VAV1: variants seen among roughly 807,000 people sequenced by gnomAD.
VAV1 encodes the protein vav guanine nucleotide exchange factor 1.
Under a neutral mutation model 128.1 loss-of-function variants are expected in VAV1, and 33 were observed. The ratio of observed to expected loss-of-function variants is 0.26; its 90% confidence interval spans 0.20 to 0.34. The LOEUF (loss-of-function observed/expected upper bound fraction) is 0.34. Ranked by LOEUF, VAV1 falls within the 10% of genes least tolerant of loss-of-function variation. VAV1 has a pLI of 1.00. For synonymous variants in VAV1, 394 were observed against 409.8 expected (o/e 0.96, Z 0.47); for missense variants, 715 against 1,093.7 (o/e 0.65, Z 4.88).
intron 23 of VAV1, among the ~76,000 whole-genome samples, chr19:6,848,652 C>T (rs1426563582): frequency 6.6e-6 from 1 of 152,108 alleles, no homozygotes; most frequent in Non-Finnish European, 1.5e-5. Flanking sequence ...ATCCACCCGC[C>T]TCGGCCTCCC....
intron 19 of VAV1, chr19:6,836,169 C>T (rs764522005): frequency 2.6e-5 from 9 of 348,734 alleles, no homozygotes; most frequent in Non-Finnish European, 4.8e-5. Context: ...CCACCGTGCC[C>T]AGCCAGGACA....
chr19:6,836,982 T>C lies in VAV1; in HGVS notation c.1915-3T>C, dbSNP rs1266358496. On this transcript the variant is annotated splice_polypyrimidine_tract_variant and splice_region_variant and intron_variant, in intron 20 of 26. Coordinates refer to ENST00000602142, the MANE Select transcript of VAV1 (RefSeq NM_005428.4). ...TTCCTGTTTTTGTCTCCTGGGTGTT[T>C]AGGGCAGAAATACATCTACTAATGA... 1 of 1,613,990 alleles carries C rather than the reference T, an allele frequency of 6.2e-7. No homozygotes were observed. The highest frequency in any genetic ancestry group is 8.5e-7 in the Non-Finnish European group (1 of 1,180,016).
chr19:6,838,782 T>G (rs1972295138), intron 21 of VAV1, among the ~76,000 whole-genome samples: 1 of 152,128 alleles, frequency 6.6e-6, no homozygotes, highest in Non-Finnish European at 1.5e-5. Context: ...TAGGCTGGAG[T>G]GCAATGGTGT....
intron 1 of VAV1, among the ~76,000 whole-genome samples, chr19:6,780,067 G>GC (rs565693707): frequency 0.32 from 46,567 of 144,972 alleles, 9,974 homozygotes; most frequent in African/African-American, 0.55. Context: ...GCCGAGATCA[G>GC]GCCACTGCAC....
intron 1 of VAV1, among the ~76,000 whole-genome samples, chr19:6,776,430 ATCC>A: frequency 1.3e-5 from 1 of 76,794 alleles, no homozygotes; most frequent in South Asian, 4.0e-4. Flanking sequence ...CCATCCATCC[ATCC>A]ATCCATCCAT....
chr19:6,850,519 C>T (rs1015658113), intron 23 of VAV1, 151 bp from the exon 24 acceptor site: 2 of 647,240 alleles, frequency 3.1e-6, no homozygotes, highest in Admixed American at 2.9e-5. Context: ...AGCAAAGGCC[C>T]CAGGGAATGG....
At position 6,822,754 on chromosome 19, in the gene VAV1, A is replaced by C. The variant is rs1201446714; in HGVS notation, c.654+240A>C. On this transcript the variant is annotated intron_variant, in intron 6 of 26. Coordinates refer to ENST00000602142, the MANE Select transcript of VAV1 (RefSeq NM_005428.4). The surrounding 1 kb of genome is among the most constrained non-coding windows in gnomAD (Gnocchi z 5.9). ...AATATAGGACACTGCCTGCAGGAGC[A>C]GTCAAAAAACCAAAAACAAACAAAA... Among the ~76,000 whole-genome samples the C allele has an allele frequency of 2.0e-5, 3 of 148,214 alleles. No individual in the cohort carries two copies. Among genetic ancestry groups the C allele is most frequent in the Admixed American group, 6.8e-5 (1 of 14,814 alleles).
intron 1 of VAV1, among the ~76,000 whole-genome samples, chr19:6,808,358 A>G (rs1203595943): frequency 2.6e-5 from 4 of 152,148 alleles, no homozygotes; most frequent in Non-Finnish European, 4.4e-5. Context: ...CTCCTCCCCA[A>G]TAATTACCTT....
At chr19:6,775,597 G>A (rs1042822715) in intron 1 of VAV1, among the ~76,000 whole-genome samples, 7 of 152,168 alleles carry the variant, frequency 4.6e-5, no homozygotes, top group South Asian at 2.1e-4. Context: ...GCTGGGCATC[G>A]GTGTACCCAG....
At chr19:6,854,561 TA>T (rs1301322422) in intron 26 of VAV1, among the ~76,000 whole-genome samples, 1 of 151,704 alleles carries the variant, frequency 6.6e-6, no homozygotes, top group South Asian at 2.1e-4. Flanking sequence ...TAAATAAAAA[TA>T]AAAACAAAAA....
At chr19:6,850,833 C>T in intron 24 of VAV1, 76 bp downstream of exon 24, 2 of 1,484,266 alleles carry the variant, frequency 1.3e-6, no homozygotes, top group Non-Finnish European at 1.9e-6. Context: ...CCTTGGGACC[C>T]CCTTTTCCCA....
chr19:6,782,283 T>C (rs1200173912), intron 1 of VAV1, among the ~76,000 whole-genome samples: 2 of 151,264 alleles, frequency 1.3e-5, no homozygotes, highest in East Asian at 1.9e-4. Context: ...TGAGCCAAGA[T>C]TGCACCACTG....
chr19:6,825,150 G>A (rs1470637410), intron 7 of VAV1, 29 bp downstream of exon 7: 1 of 1,606,598 alleles, frequency 6.2e-7, no homozygotes, highest in Non-Finnish European at 8.5e-7. Flanking sequence ...AGCCCTCTTG[G>A]GTCTGTCTAG....
rs1235239057 is a variant in VAV1, at chr19:6,822,713, TA to T, written c.654+205del. Among the ~76,000 whole-genome samples, 3 of 148,654 alleles carry T rather than the reference TA, an allele frequency of 2.0e-5. No individual in the cohort carries two copies. Among genetic ancestry groups the T allele is most frequent in the African/African-American group, 4.9e-5 (2 of 40,840 alleles). On this transcript the variant is annotated intron_variant, in intron 6 of 26. Transcript: ENST00000602142. The surrounding 1 kb of genome is among the most constrained non-coding windows in gnomAD (Gnocchi z 5.9). ...ATATGAGTCTGACGTATATATATAT[TA>T]AAAAATATATATAAAATATAGGACA...
intron 1 of VAV1, among the ~76,000 whole-genome samples, chr19:6,803,490 G>A (rs1328417848): frequency 2.6e-5 from 4 of 152,104 alleles, no homozygotes; most frequent in East Asian, 1.9e-4. Flanking sequence ...CGTTGTCTGA[G>A]CCCCACCTCC....
rs191054952 is a variant in VAV1, at chr19:6,805,253, C to T, written c.205-15449C>T. 3.0e-3 allele frequency among the ~76,000 whole-genome samples: 453 copies of T among 150,164 alleles called. 1 individual carries two copies. Among genetic ancestry groups the T allele is most frequent in the African/African-American group, 0.01 (420 of 40,854 alleles). On this transcript the variant is annotated intron_variant, in intron 1 of 26. Coordinates refer to ENST00000602142, the MANE Select transcript of VAV1 (RefSeq NM_005428.4). Reference sequence around the variant, plus strand: ...CAGCCTGGCCAACATGGTGAAACCCCGTCTCTACTAAAAATACAAAAATTA... The same window carrying T: ...CAGCCTGGCCAACATGGTGAAACCCTGTCTCTACTAAAAATACAAAAATTA...
In VAV1 at chr19:6,826,908, T is replaced by A; in HGVS notation, c.927+197T>A. The A allele has an allele frequency of 1.7e-6, 1 of 599,462 alleles. No homozygotes were observed. 37.1% of individuals were successfully genotyped at this position (599,462 alleles called of 1,614,324 possible). On this transcript the variant is annotated intron_variant, in intron 9 of 26. Coordinates refer to ENST00000602142, the MANE Select transcript of VAV1 (RefSeq NM_005428.4). The surrounding 1 kb of genome is among the most constrained non-coding windows in gnomAD (Gnocchi z 4.1). ...AACAGAAATGGGCTGGCCCTGGGTC[T>A]GGGCTGACCCCTGATATCAGGGTGA...
Position 6,773,021 on chromosome 19 carries a change from C to T in VAV1, c.204+10C>T. 1 of 1,614,044 alleles carries T rather than the reference C, an allele frequency of 6.2e-7. No homozygotes were observed. The highest frequency in any genetic ancestry group is 1.1e-5 in the South Asian group (1 of 91,078). On this transcript the variant is annotated intron_variant, in intron 1 of 26. Coordinates refer to ENST00000602142, the MANE Select transcript of VAV1 (RefSeq NM_005428.4). ...CCCCCAGATGTCCCAGGTGAGCCCT[C>T]CGCGGGCAGGTGTGCTGAGGGTTGG...
intron 26 of VAV1, 72 bp downstream of exon 26, chr19:6,854,170 G>A: frequency 6.4e-7 from 1 of 1,570,716 alleles, no homozygotes; most frequent in Middle Eastern, 2.3e-4. Flanking sequence ...CTGGAACTGG[G>A]GACTGGAGAA....
Sources: gnomAD v4.1 joint callset for allele counts (sites outside exome capture counted in the v4.1 genomes callset) on GRCh38, gnomAD v4.1.1 for gene constraint, Gnocchi (gnomAD v3.1) non-coding constraint, MANE v1.5 for transcripts, NCBI Gene and HGNC (gene_info 2026-07-23, HGNC 2026-07-21) for gene names.